PAXBP1: variants seen among roughly 807,000 people sequenced by gnomAD.
The protein encoded by PAXBP1 is PAX3- and PAX7-binding protein 1.
In PAXBP1, 44 loss-of-function variants were observed where a neutral mutation model predicts 119.9. That is an observed-to-expected ratio of 0.37 (90% CI 0.29 to 0.47). The LOEUF (loss-of-function observed/expected upper bound fraction) is 0.47, where lower values mean the gene tolerates loss of function less well. PAXBP1 is among the 20% of genes least tolerant of loss of function. The probability of loss-of-function intolerance (pLI) is 0.99; values close to 1 mark genes in which losing one functional copy is unlikely to be tolerated. For missense variants in PAXBP1, 898 were observed against 1,134.1 expected (o/e 0.79, Z 2.99); for synonymous variants, 393 against 406.6 (o/e 0.97, Z 0.40).
chr21:32,764,175 G>A (rs1049289335), intron 3 of PAXBP1, among the ~76,000 whole-genome samples, 173 bp downstream of exon 3: 1 of 152,066 alleles, frequency 6.6e-6, no homozygotes, highest in Non-Finnish European at 1.5e-5. Flanking sequence ...GAAAAGTTGG[G>A]AAACTTCTGG....
At chr21:32,744,954 G>A (rs762819499) in intron 12 of PAXBP1, 41 bp from the exon 13 acceptor site, 2 of 1,579,908 alleles carry the variant, frequency 1.3e-6, no homozygotes, top group Non-Finnish European at 1.7e-6. Context: ...GAAGCCAATT[G>A]TACCTTTAAT....
rs1344653781 is a variant in PAXBP1 at position 32,733,963 on chromosome 21, G to C, written c.*987C>G. On this transcript the variant is annotated 3_prime_UTR_variant, in exon 18 of 18. Transcript: ENST00000331923. Reference sequence around the variant, plus strand: ...TTACATATATAATTATCAAACGATAGTCCTTAATTTCCAAAAAAATTCCTC... The same window carrying C: ...TTACATATATAATTATCAAACGATACTCCTTAATTTCCAAAAAAATTCCTC... 2.0e-5 allele frequency: 3 copies of C among 152,572 alleles called. No homozygotes were observed. Among genetic ancestry groups the C allele is most frequent in the Non-Finnish European group, 4.4e-5 (3 of 68,016 alleles). 9.5% of individuals were successfully genotyped at this position (152,572 alleles called of 1,614,324 possible). A position where few individuals can be genotyped will look rare whatever the true frequency, so the allele number is the denominator to read the frequency against.
chr21:32,737,825 A>G (rs1290944408), intron 16 of PAXBP1, among the ~76,000 whole-genome samples: 1 of 152,214 alleles, frequency 6.6e-6, no homozygotes, highest in Non-Finnish European at 1.5e-5. Context: ...ATAGACATCC[A>G]TGCATGCTGC....
intron 7 of PAXBP1, among the ~76,000 whole-genome samples, chr21:32,757,143 TAAGCA>T (rs1425857717): frequency 7.2e-5 from 11 of 151,808 alleles, no homozygotes; most frequent in Admixed American, 7.2e-4. Flanking sequence ...TAAACTTTCA[TAAGCA>T]AAGAGGAAAA....
chr21:32,734,571 CTG>C lies in PAXBP1; in HGVS notation c.*377_*378del, dbSNP rs2043665938. The C allele has an allele frequency of 5.0e-6, 1 of 199,268 alleles. No homozygotes were observed. The highest frequency in any genetic ancestry group is 5.9e-5 in the Admixed American group (1 of 16,892). The allele number at this position is 199,268 out of a possible 1,614,324, so 12.3% of individuals were successfully genotyped here. ...ATTTTCTGCTGTTAAAAGGCTTCCT[CTG>C]TGGAAAAACACCACAAATTTCCAGT... On this transcript the variant is annotated 3_prime_UTR_variant, in exon 18 of 18. Transcript: ENST00000331923.
At chr21:32,737,442 A>C in intron 16 of PAXBP1, 34 bp from the exon 17 acceptor site, 6 of 1,553,470 alleles carry the variant, frequency 3.9e-6, no homozygotes, top group Non-Finnish European at 5.2e-6. Context: ...TAAAATAGTT[A>C]AGACAGAATA....
intron 7 of PAXBP1, among the ~76,000 whole-genome samples, chr21:32,757,905 C>T (rs1601601506): frequency 6.6e-6 from 1 of 152,220 alleles, no homozygotes; most frequent in East Asian, 1.9e-4. Context: ...CAGAGGAATA[C>T]AGACAAGCCT....
At chr21:32,748,854 A>T (rs2043915386) in intron 10 of PAXBP1, among the ~76,000 whole-genome samples, 156 bp from the exon 11 acceptor site, 1 of 152,358 alleles carries the variant, frequency 6.6e-6, no homozygotes, top group Middle Eastern at 3.4e-3. Context: ...AGAAAAAAAT[A>T]AATTGAAGTT....
intron 15 of PAXBP1, among the ~76,000 whole-genome samples, chr21:32,739,459 A>C (rs2043742124): frequency 1.3e-5 from 2 of 152,224 alleles, no homozygotes; most frequent in Non-Finnish European, 2.9e-5. Flanking sequence ...GGTGCGGGAC[A>C]GTGCTTGGTA....
chr21:32,735,706 C>T (rs112072691), intron 17 of PAXBP1, among the ~76,000 whole-genome samples: 13 of 152,320 alleles, frequency 8.5e-5, no homozygotes, highest in African/African-American at 2.6e-4. Context: ...AGTGGGGCCC[C>T]GAGAACTTGC....
chr21:32,748,313 G>A (rs1329495353), intron 11 of PAXBP1, among the ~76,000 whole-genome samples, 186 bp downstream of exon 11: 1 of 152,126 alleles, frequency 6.6e-6, no homozygotes, highest in Non-Finnish European at 1.5e-5. Context: ...ACATAGCTCT[G>A]CTGGGAAGAC....
intron 7 of PAXBP1, among the ~76,000 whole-genome samples, chr21:32,757,390 C>A (rs1202275410): frequency 2.0e-5 from 3 of 152,086 alleles, no homozygotes; most frequent in Non-Finnish European, 4.4e-5. Flanking sequence ...TAATACTCAT[C>A]TTTAAATGAA....
At chr21:32,742,679 T>C in intron 15 of PAXBP1, 1 of 198,528 alleles carries the variant, frequency 5.0e-6, no homozygotes, top group South Asian at 8.7e-5. Flanking sequence ...CTCAGAAGAG[T>C]ATCTGCTACA....
At chr21:32,761,007 A>G in intron 5 of PAXBP1, 52 bp downstream of exon 5, 1 of 1,489,556 alleles carries the variant, frequency 6.7e-7, no homozygotes, top group Non-Finnish European at 9.2e-7. Flanking sequence ...TAACAAAATA[A>G]AAAAGGCTTT....
chr21:32,745,454 G>T, intron 12 of PAXBP1, 120 bp downstream of exon 12: 1 of 1,391,416 alleles, frequency 7.2e-7, no homozygotes, highest in Non-Finnish European at 9.9e-7. Flanking sequence ...GGGCCAGGTG[G>T]TAACTATTAT....
Position 32,737,402 on chromosome 21 carries a change from T to C in PAXBP1, c.2488A>G (p.Asn830Asp). 6.3e-7 allele frequency: 1 copy of C among 1,598,192 alleles called. No homozygotes were observed. The highest frequency in any genetic ancestry group is 8.5e-7 in the Non-Finnish European group (1 of 1,174,812). ...ATGAACCATTGTTTGGGGAAACAAT[T>C]GATTACCTGTGGAGAAGAAAGACGT... ...DSIKKAQNVINCFPKQWFMNL... is the reference protein window; with the variant it reads ...DSIKKAQNVIDCFPKQWFMNL... The change falls in exon 17 of 18, where the codon AAT becomes GAT. Residue 830 changes from asparagine to aspartate, a missense_variant. Physicochemically the swap from Asn to Asp is conservative, Grantham distance 23. Transcript: ENST00000331923.
intron 15 of PAXBP1, chr21:32,742,650 C>T (rs558733196): frequency 5.7e-6 from 1 of 175,558 alleles, no homozygotes; most frequent in South Asian, 1.3e-4. Flanking sequence ...CTAGCTTACT[C>T]AGTGCTATAT....
chr21:32,740,115 TC>T (rs1428131647), intron 15 of PAXBP1, among the ~76,000 whole-genome samples: 4 of 152,152 alleles, frequency 2.6e-5, no homozygotes, highest in African/African-American at 9.6e-5. Flanking sequence ...CAAATCTGCC[TC>T]CCATTCTATT....
At chr21:32,771,203 T>A in intron 1 of PAXBP1, 123 bp downstream of exon 1, 1 of 927,444 alleles carries the variant, frequency 1.1e-6, no homozygotes, top group Non-Finnish European at 1.5e-6. Context: ...TCGCAGCCGG[T>A]CGGACGGCAG....
Sources: gnomAD v4.1 joint callset for allele counts (sites outside exome capture counted in the v4.1 genomes callset) on GRCh38, gnomAD v4.1.1 for gene constraint, MANE v1.5 for transcripts, NCBI Gene and HGNC (gene_info 2026-07-23, HGNC 2026-07-21) for gene names.